Variants in CIMAP3 observed in about 807,000 individuals in gnomAD.
The protein encoded by CIMAP3 is ciliary microtubule associated protein 3, also known as ciliary microtubule-associated protein 3.
the CIMAP3 span, among the ~76,000 whole-genome samples, chr1:111,338,785 ACTGGTAC>A: frequency 1.3e-5 from 2 of 151,970 alleles, no homozygotes; most frequent in Non-Finnish European, 2.9e-5. Context: ...ACAAGGAGGA[ACTGGTAC>A]CATTCCTTCT....
the CIMAP3 span, among the ~76,000 whole-genome samples, chr1:111,345,748 A>C: frequency 6.6e-6 from 1 of 152,192 alleles, no homozygotes. Context: ...ACAACTCCTA[A>C]AGCCATCCTA....
the CIMAP3 span, among the ~76,000 whole-genome samples, chr1:111,334,677 GAAATTTTAA>G: frequency 2.0e-5 from 3 of 152,024 alleles, no homozygotes; most frequent in Non-Finnish European, 4.4e-5. Flanking sequence ...ACTTATCAGA[GAAATTTTAA>G]AAAGAGATTT....
chr1:111,338,406 G>T, the CIMAP3 span, among the ~76,000 whole-genome samples: 2 of 151,692 alleles, frequency 1.3e-5, no homozygotes, highest in Non-Finnish European at 2.9e-5. Flanking sequence ...AATGAATCCA[G>T]GAGCTGGTTT....
At chr1:111,334,517 G>A in the CIMAP3 span, among the ~76,000 whole-genome samples, 3 of 152,054 alleles carry the variant, frequency 2.0e-5, no homozygotes, top group Non-Finnish European at 2.9e-5. Context: ...AAGCAGACAG[G>A]GAACCATCAC....
chr1:111,348,844 A>T, the CIMAP3 span: 1 of 527,890 alleles, frequency 1.9e-6, no homozygotes, highest in South Asian at 3.1e-5. Context: ...CATTCAATGA[A>T]TTTTTATTAA....
the CIMAP3 span, among the ~76,000 whole-genome samples, chr1:111,338,230 A>C: frequency 5.3e-3 from 798 of 151,528 alleles, 4 homozygotes; most frequent in African/African-American, 0.018. Context: ...ACTAAATGCC[A>C]ACAAGAGAAA....
the CIMAP3 span, among the ~76,000 whole-genome samples, chr1:111,335,349 C>T: frequency 6.6e-6 from 1 of 152,016 alleles, no homozygotes; most frequent in African/African-American, 2.4e-5. Flanking sequence ...ACAGAGGGCA[C>T]AGGTCAGTGG....
At chr1:111,336,380 G>A in the CIMAP3 span, among the ~76,000 whole-genome samples, 1 of 152,138 alleles carries the variant, frequency 6.6e-6, no homozygotes, top group African/African-American at 2.4e-5. Flanking sequence ...AGAGAAGAAG[G>A]CTTCAGACAA....
At chr1:111,331,774 C>T in the CIMAP3 span, among the ~76,000 whole-genome samples, 3 of 151,112 alleles carry the variant, frequency 2.0e-5, no homozygotes, top group African/African-American at 4.9e-5. Flanking sequence ...CTTGCTTTGT[C>T]GTGTTAATGT....
At chr1:111,331,553 TATG>T in the CIMAP3 span, among the ~76,000 whole-genome samples, 2 of 152,112 alleles carry the variant, frequency 1.3e-5, no homozygotes, top group Non-Finnish European at 2.9e-5. Flanking sequence ...GGTTCTTTTT[TATG>T]ATATCTCTTT....
At chr1:111,338,131 A>T in the CIMAP3 span, among the ~76,000 whole-genome samples, 1 of 151,020 alleles carries the variant, frequency 6.6e-6, no homozygotes, top group Non-Finnish European at 1.5e-5. Flanking sequence ...AGAAATAAAG[A>T]TGTTCTTTGA....
At chr1:111,348,536 C>A in the CIMAP3 span, 10 of 1,607,670 alleles carry the variant, frequency 6.2e-6, no homozygotes, top group Non-Finnish European at 8.5e-6. Flanking sequence ...CTCATGCAGG[C>A]AGGTACCAGA....
chr1:111,348,949 C>T, the CIMAP3 span: 1 of 235,280 alleles, frequency 4.3e-6, no homozygotes, highest in African/African-American at 2.3e-5. Flanking sequence ...AGAGTCCAGA[C>T]AGAGCACAGG....
At chr1:111,327,477 A>C in the CIMAP3 span, among the ~76,000 whole-genome samples, 3 of 151,846 alleles carry the variant, frequency 2.0e-5, no homozygotes, top group African/African-American at 4.8e-5. Context: ...CTGTGAATCT[A>C]TCAGGTCCCA....
the CIMAP3 span, chr1:111,346,293 C>T: frequency 4.9e-6 from 1 of 204,254 alleles, no homozygotes; most frequent in Non-Finnish European, 9.9e-6. Flanking sequence ...TTTCACCTTA[C>T]TTGCTGGTGG....
the CIMAP3 span, chr1:111,324,878 A>G: frequency 1.0e-6 from 1 of 984,882 alleles, no homozygotes; most frequent in Non-Finnish European, 1.2e-6. Context: ...TACATCTGGA[A>G]CTTTGGTAAT....
At chr1:111,334,479 G>A in the CIMAP3 span, among the ~76,000 whole-genome samples, 1,206 of 152,232 alleles carry the variant, frequency 7.9e-3, 16 homozygotes, top group African/African-American at 0.027. Context: ...TCAATGCCAA[G>A]ACACAGATGT....
chr1:111,332,900 C>A, the CIMAP3 span, among the ~76,000 whole-genome samples: 1 of 152,186 alleles, frequency 6.6e-6, no homozygotes, highest in African/African-American at 2.4e-5. Context: ...GGCATAGATA[C>A]ATATTTGCTC....
the CIMAP3 span, among the ~76,000 whole-genome samples, chr1:111,343,020 C>A: frequency 6.6e-6 from 1 of 152,184 alleles, no homozygotes; most frequent in Admixed American, 6.6e-5. Context: ...TGCTTCTATG[C>A]TGCTATTTTG....
Sources: gnomAD v4.1 joint callset for allele counts (sites outside exome capture counted in the v4.1 genomes callset) on GRCh38, gnomAD v4.1.1 for gene constraint, MANE v1.5 for transcripts, NCBI Gene and HGNC (gene_info 2026-07-23, HGNC 2026-07-21) for gene names.